The following EPB41L3 variants were observed in gnomAD, a reference collection of about 807,000 sequenced individuals.
EPB41L3 encodes band 4.1-like protein 3.
Under a neutral mutation model 127.1 loss-of-function variants are expected in EPB41L3, and 57 were observed. That is an observed-to-expected ratio of 0.45 (90% confidence interval 0.36 to 0.56). The LOEUF (loss-of-function observed/expected upper bound fraction) is 0.56. Ranked by LOEUF, EPB41L3 falls within the 20% of genes least tolerant of loss-of-function variation. The pLI, the probability that EPB41L3 is intolerant of heterozygous loss-of-function variation, is 0.00. For missense variants in EPB41L3, 1,273 were observed against 1,372.2 expected (o/e 0.93, Z 1.14); for synonymous variants, 572 against 549.5 (o/e 1.04, Z -0.57).
intron 3 of EPB41L3, among the ~76,000 whole-genome samples, chr18:5,594,776 T>G (rs2094520919): frequency 6.6e-6 from 1 of 152,220 alleles, no homozygotes; most frequent in South Asian, 2.1e-4. Flanking sequence ...TTGATCAAGT[T>G]GGAAAACCAC....
At chr18:5,420,211 A>G (rs2077302529) in intron 11 of EPB41L3, 2 of 378,314 alleles carry the variant, frequency 5.3e-6, no homozygotes, top group Non-Finnish European at 9.7e-6. Context: ...AGGTGAGTGG[A>G]GGGTCATGAG....
intron 9 of EPB41L3, among the ~76,000 whole-genome samples, chr18:5,427,147 G>A (rs140707486): frequency 0.012 from 1,771 of 152,126 alleles, 23 homozygotes; most frequent in African/African-American, 0.04. Context: ...GGGATTACAG[G>A]CATGAGACAC....
intron 1 of EPB41L3, among the ~76,000 whole-genome samples, chr18:5,533,012 T>C (rs1278696466): frequency 6.6e-6 from 1 of 151,998 alleles, no homozygotes; most frequent in African/African-American, 2.4e-5. Flanking sequence ...AAAAAAGAAA[T>C]GAAATTTAAT....
rs201601136 is a variant in EPB41L3, at chr18:5,424,176, A to C, written c.1163+86T>G. 50 of 949,902 alleles carry C rather than the reference A, an allele frequency of 5.3e-5. No homozygotes were observed. The East Asian group carries it at 1.4e-3, about 27-fold the overall frequency. The allele number at this position is 949,902 out of a possible 1,614,324, so 58.8% of individuals were successfully genotyped here. On this transcript the variant is annotated intron_variant, in intron 10 of 22. Transcript: ENST00000341928. ...GAACTTGAAGGGATAGAAAGAATAA[A>C]ATTCCATATTTTTTATTGACAATCT... is the stretch of plus-strand genomic sequence containing the variant.
At chr18:5,407,112 C>A (rs1042668519) in intron 15 of EPB41L3, 144 bp from the exon 16 acceptor site, 3 of 654,672 alleles carry the variant, frequency 4.6e-6, no homozygotes, top group African/African-American at 3.6e-5. Flanking sequence ...GGCACTACCA[C>A]AAACACTCTG....
chr18:5,560,932 T>C (rs1198568768), intron 3 of EPB41L3, among the ~76,000 whole-genome samples: 1 of 149,942 alleles, frequency 6.7e-6, no homozygotes, highest in Non-Finnish European at 1.5e-5. Context: ...ATATGATTCA[T>C]AGTTGTAATT....
intron 1 of EPB41L3, among the ~76,000 whole-genome samples, chr18:5,621,433 T>G (rs2094860991): frequency 6.6e-6 from 1 of 152,212 alleles, no homozygotes; most frequent in Non-Finnish European, 1.5e-5. Context: ...GTATCCACTA[T>G]GAACTAAAGT....
intron 3 of EPB41L3, among the ~76,000 whole-genome samples, chr18:5,457,797 C>T (rs1014922511): frequency 3.8e-4 from 58 of 152,226 alleles, no homozygotes; most frequent in African/African-American, 1.3e-3. Flanking sequence ...GCCTTCTACC[C>T]GTTCGTCCTT....
rs1015110761 is a variant in EPB41L3 at position 5,412,228 on chromosome 18, C to T, written c.2068-1609G>A. Among the ~76,000 whole-genome samples the T allele has an allele frequency of 2.6e-4, 40 of 152,004 alleles. 1 individual carries two copies. The highest frequency in any genetic ancestry group is 9.2e-4 in the African/African-American group (38 of 41,374). ...TGTTTTATTTTTTTAGACAGGGTCT[C>T]GCTCTGTCACCCTGGCTGGAGCACA... is the stretch of plus-strand genomic sequence containing the variant. On this transcript the variant is annotated intron_variant, in intron 13 of 22. Transcript: ENST00000341928.
At chr18:5,581,734 C>A (rs937596889) in intron 3 of EPB41L3, among the ~76,000 whole-genome samples, 1 of 152,178 alleles carries the variant, frequency 6.6e-6, no homozygotes, top group Admixed American at 6.5e-5. Context: ...TGGTGGCTCA[C>A]ACCTGTAATC....
In EPB41L3 at chr18:5,408,277, T is replaced by A. The variant is rs28625806; in HGVS notation, c.2122-541A>T. ...CTTGATTTTCTTTTCTTTTTTCTTT[T>A]TTTTTTTTTTTTTTGAGACAGAGTC... is the stretch of plus-strand genomic sequence containing the variant. On this transcript the variant is annotated intron_variant, in intron 14 of 22. Coordinates refer to ENST00000341928, the MANE Select transcript of EPB41L3 (RefSeq NM_012307.5). 8.4e-5 allele frequency among the ~76,000 whole-genome samples: 2 copies of A among 23,764 alleles called. 1 individual carries two copies. Among genetic ancestry groups the A allele is most frequent in the South Asian group, 8.1e-3 (2 of 246 alleles). 15.6% of individuals were successfully genotyped at this position (23,764 alleles called of 152,430 possible). A position where few individuals can be genotyped will look rare whatever the true frequency, so the allele number is the denominator to read the frequency against.
At chr18:5,473,478 A>C (rs764635584) in intron 3 of EPB41L3, among the ~76,000 whole-genome samples, 2 of 151,636 alleles carry the variant, frequency 1.3e-5, no homozygotes, top group Non-Finnish European at 2.9e-5. Flanking sequence ...ATTTGAGATC[A>C]AGCTTGACTT....
intron 1 of EPB41L3, among the ~76,000 whole-genome samples, chr18:5,505,658 C>T (rs1279261136): frequency 4.1e-5 from 6 of 147,884 alleles, no homozygotes; most frequent in Admixed American, 6.7e-5. Flanking sequence ...ACCATCCACA[C>T]CTTCACCTCC....
intron 1 of EPB41L3, among the ~76,000 whole-genome samples, chr18:5,509,335 G>A (rs1478281064): frequency 6.6e-6 from 1 of 152,196 alleles, no homozygotes; most frequent in African/African-American, 2.4e-5. Flanking sequence ...CCACACTAAG[G>A]TGTCCATTCC....
intron 2 of EPB41L3, among the ~76,000 whole-genome samples, chr18:5,483,074 A>G (rs1240300631): frequency 6.6e-6 from 1 of 152,148 alleles, no homozygotes; most frequent in African/African-American, 2.4e-5. Context: ...AAAAACAATA[A>G]TACCTACAGC....
In EPB41L3 at chr18:5,435,086, T is replaced by A. The variant is rs2079564010; in HGVS notation, c.606-965A>T. 2.0e-5 allele frequency among the ~76,000 whole-genome samples: 3 copies of A among 152,120 alleles called. No individual in the cohort carries two copies. The South Asian group carries it at 6.2e-4, about 32-fold the overall frequency. On this transcript the variant is annotated intron_variant, in intron 6 of 22. Transcript: ENST00000341928. ...AAAAGTAAAAACAAATTATAAATTT[T>A]AAAAATAGAAAAAAACTCACAGAAT...
intron 1 of EPB41L3, among the ~76,000 whole-genome samples, chr18:5,619,491 T>C (rs1353113299): frequency 2.0e-5 from 3 of 152,188 alleles, no homozygotes; most frequent in African/African-American, 4.8e-5. Context: ...TAACTGCACC[T>C]TCCACAAAAA....
intron 1 of EPB41L3, among the ~76,000 whole-genome samples, chr18:5,519,321 C>T (rs1266928744): frequency 6.6e-6 from 1 of 152,198 alleles, no homozygotes; most frequent in African/African-American, 2.4e-5. Flanking sequence ...GGAAACCCAT[C>T]GCGACTATAC....
Position 5,394,808 on chromosome 18 carries a change from T to C in EPB41L3, c.3154-15A>G, listed in dbSNP as rs976801568. On this transcript the variant is annotated splice_polypyrimidine_tract_variant and intron_variant, in intron 21 of 22. Transcript: ENST00000341928. ...TGAGCCAGCGCCTATCCCCGGGAAA[T>C]CACAGAAGGGCAGAAACAAAAAGGA... 6.2e-7 allele frequency: 1 copy of C among 1,612,868 alleles called. No homozygotes were observed. Among genetic ancestry groups the C allele is most frequent in the Non-Finnish European group, 8.5e-7 (1 of 1,179,044 alleles).
Sources: gnomAD v4.1 joint callset for allele counts (sites outside exome capture counted in the v4.1 genomes callset) on GRCh38, gnomAD v4.1.1 for gene constraint, MANE v1.5 for transcripts, NCBI Gene and HGNC (gene_info 2026-07-23, HGNC 2026-07-21) for gene names.